Variants in TMEM245 observed in about 807,000 individuals in gnomAD.
TMEM245 encodes protein CG-2.
In TMEM245, 69 loss-of-function variants were observed where a neutral mutation model predicts 101.2. The observed-to-expected ratio is 0.68, with a 90% confidence interval of 0.56 to 0.83. TMEM245 has a LOEUF of 0.83. TMEM245 is among the 40% of genes least tolerant of loss of function. The probability of loss-of-function intolerance (pLI) is 0.00; values close to 1 mark genes in which losing one functional copy is unlikely to be tolerated. For synonymous variants in TMEM245, 537 were observed against 449.8 expected (o/e 1.19, Z -2.45); for missense variants, 1,075 against 1,092.8 (o/e 0.98, Z 0.23).
In TMEM245 at chr9:109,015,738, C is replaced by T. The variant is rs1359019300; in HGVS notation, c.*4722G>A. On this transcript the variant is annotated 3_prime_UTR_variant, in exon 18 of 18. Transcript: ENST00000374586. ...AACTTTTCAGAGCCTCCAGAGCCCC[C>T]CCATCTGTACAATAAGGATAATATT... 6.6e-6 allele frequency: 1 copy of T among 152,518 alleles called. No homozygotes were observed. Among genetic ancestry groups the T allele is most frequent in the East Asian group, 1.9e-4 (1 of 5,204 alleles). The allele number at this position is 152,518 out of a possible 1,614,324, so 9.4% of individuals were successfully genotyped here.
rs1588039825 is a variant in TMEM245, at chr9:109,057,302, C to A, written c.1743G>T (p.Arg581Ser). The A allele has an allele frequency of 3.1e-6, 5 of 1,613,906 alleles. No homozygotes were observed. The highest frequency in any genetic ancestry group is 4.2e-6 in the Non-Finnish European group (5 of 1,179,942). The change falls in exon 12 of 18, where the codon AGG (arginine) becomes AGT (serine). Residue 581 changes from arginine to serine, a missense_variant. This residue lies in a region of TMEM245 where 808 missense variants were observed against 741.5 expected (regional missense o/e 1.09). Coordinates refer to ENST00000374586, the MANE Select transcript of TMEM245 (RefSeq NM_032012.4). ...WFVKNVTHSG[R>S]HKGQKLHVSR... is the part of the protein sequence containing the mutation. ...TGACATGCAACTTCTGTCCTTTGTGCCTTCCAGAGTGTGTTACATTCTATG... is the reference window on the plus strand; with the variant it reads ...TGACATGCAACTTCTGTCCTTTGTGACTTCCAGAGTGTGTTACATTCTATG...
intron 7 of TMEM245, among the ~76,000 whole-genome samples, chr9:109,083,899 T>TAAA (rs1829745048): frequency 5.0e-4 from 1 of 2,010 alleles, no homozygotes; most frequent in Non-Finnish European, 1.1e-3. Context: ...CTACTAAAAA[T>TAAA]ACAAAAAAAA....
At chr9:109,093,674 C>A (rs1830066643) in intron 3 of TMEM245, 83 bp from the exon 4 acceptor site, 1 of 1,124,368 alleles carries the variant, frequency 8.9e-7, no homozygotes, top group African/African-American at 1.5e-5. Flanking sequence ...ACATTTTCAA[C>A]AACAACAAAA....
chr9:109,051,215 C>G (rs1828669847), intron 12 of TMEM245, among the ~76,000 whole-genome samples: 2 of 150,836 alleles, frequency 1.3e-5, no homozygotes, highest in Admixed American at 6.6e-5. Context: ...TCGCTTGAAC[C>G]CAGGAGGCAG....
At chr9:109,073,260 C>T in intron 9 of TMEM245, 96 bp downstream of exon 9, 1 of 907,754 alleles carries the variant, frequency 1.1e-6, no homozygotes, top group African/African-American at 1.6e-5. Context: ...TATCTTTTAT[C>T]TTCCAATGCA....
intron 12 of TMEM245, among the ~76,000 whole-genome samples, chr9:109,054,346 G>A (rs946398593): frequency 6.6e-6 from 1 of 152,122 alleles, no homozygotes; most frequent in African/African-American, 2.4e-5. Flanking sequence ...TAGTTTAATT[G>A]AGGACCTAAC....
Position 109,108,508 on chromosome 9 carries a change from T to C in TMEM245, c.642A>G (p.Glu214=). The C allele has an allele frequency of 6.2e-7, 1 of 1,608,580 alleles. No individual in the cohort carries two copies. The highest frequency in any genetic ancestry group is 1.1e-5 in the South Asian group (1 of 90,112). ...TVSFKWNAST[E]RYLRAVSIPV... Reference sequence around the variant, plus strand: ...GAATTGAAACTGCTCTCAAGTAGCGTTCAGTGCTTGCATTCCACTTGAATG... The same window carrying C: ...GAATTGAAACTGCTCTCAAGTAGCGCTCAGTGCTTGCATTCCACTTGAATG... The change falls in exon 2 of 18, where the codon GAA becomes GAG. Residue 214 remains glutamate, a synonymous_variant. Transcript: ENST00000374586.
chr9:109,099,685 G>A lies in TMEM245; in HGVS notation c.800-6094C>T, dbSNP rs557306836. 9.2e-5 allele frequency among the ~76,000 whole-genome samples: 14 copies of A among 152,236 alleles called. No individual in the cohort carries two copies. The East Asian group carries it at 1.4e-3, about 15-fold the overall frequency. On this transcript the variant is annotated intron_variant, in intron 3 of 17. Transcript: ENST00000374586. ...AGAGTCTAACACAGCCTTACTTATA[G>A]GAGATAACAATGCTAGTGTACCTCT...
intron 1 of TMEM245, among the ~76,000 whole-genome samples, chr9:109,114,590 A>T (rs1166020201): frequency 6.6e-6 from 1 of 152,104 alleles, no homozygotes; most frequent in Non-Finnish European, 1.5e-5. Context: ...TACTCTCTCC[A>T]CCTCCTGCTT....
intron 1 of TMEM245, among the ~76,000 whole-genome samples, chr9:109,108,811 A>G (rs1026388524): frequency 2.0e-5 from 3 of 152,218 alleles, no homozygotes; most frequent in Non-Finnish European, 4.4e-5. Flanking sequence ...CAAAAGATAC[A>G]TAGTTCAAAA....
At position 109,083,901 on chromosome 9, in the gene TMEM245, C is replaced by CA. The variant is rs751739620; in HGVS notation, c.1344+2095dup. The stretch of plus-strand genomic sequence containing the variant: ...CAAAACCCCATCTCTACTAAAAATA[C>CA]AAAAAAAAAAAAAAAAAAAAAAAAA... On this transcript the variant is annotated intron_variant, in intron 7 of 17. Coordinates refer to ENST00000374586, the MANE Select transcript of TMEM245 (RefSeq NM_032012.4). Among the ~76,000 whole-genome samples, 222 of 34,462 alleles carry CA rather than the reference C, an allele frequency of 6.4e-3. 27 individuals are homozygous for CA. Among genetic ancestry groups the CA allele is most frequent in the African/African-American group, 7.6e-3 (68 of 8,954 alleles). 22.6% of individuals were successfully genotyped at this position (34,462 alleles called of 152,430 possible).
intron 9 of TMEM245, 56 bp from the exon 10 acceptor site, chr9:109,064,623 A>G: frequency 1.4e-6 from 2 of 1,467,468 alleles, no homozygotes; most frequent in African/African-American, 1.4e-5. Context: ...TAGTGTACCA[A>G]TAATGCTTTG....
rs1051474 is a variant in TMEM245, at chr9:109,119,576, T to C, written c.338A>G (p.His113Arg). 412,370 of 1,540,608 alleles carry C rather than the reference T, an allele frequency of 0.27. 57,795 individuals carry two copies. The highest frequency in any genetic ancestry group is 0.29 in the Admixed American group (14,658 of 50,246). The change falls in exon 1 of 18, where the codon CAC becomes CGC. Residue 113 changes from histidine (H) to arginine (R), a missense_variant. His to Arg is a conservative substitution (Grantham distance 29). Transcript: ENST00000374586. Reference sequence around the variant, plus strand: ...CAGGACGATGGGCGTGTGCGCGCGGTGCAGGCGCTGCAGCCAGTGGCGGCC... The same window carrying C: ...CAGGACGATGGGCGTGTGCGCGCGGCGCAGGCGCTGCAGCCAGTGGCGGCC... Reference protein sequence around the residue: ...RLGRHWLQRLHRAHTPIVLAA... With the variant: ...RLGRHWLQRLRRAHTPIVLAA...
At chr9:109,082,037 T>C (rs1463461488) in intron 7 of TMEM245, among the ~76,000 whole-genome samples, 2 of 152,212 alleles carry the variant, frequency 1.3e-5, no homozygotes, top group African/African-American at 4.8e-5. Context: ...AGCAACAGCA[T>C]TGCTAAATAA....
chr9:109,054,003 C>T (rs777785580), intron 12 of TMEM245, among the ~76,000 whole-genome samples: 1 of 152,100 alleles, frequency 6.6e-6, no homozygotes, highest in Non-Finnish European at 1.5e-5. Flanking sequence ...CCTCAAAACG[C>T]CATTTCAACA....
chr9:109,036,179 T>G, intron 16 of TMEM245, 27 bp downstream of exon 16: 1 of 1,530,270 alleles, frequency 6.5e-7, no homozygotes, highest in Non-Finnish European at 8.7e-7. Context: ...GATGATTCAC[T>G]AATAAGAAAT....
At chr9:109,070,195 G>A (rs1829288925) in intron 9 of TMEM245, among the ~76,000 whole-genome samples, 1 of 152,148 alleles carries the variant, frequency 6.6e-6, no homozygotes, top group African/African-American at 2.4e-5. Flanking sequence ...CCTCTCATCT[G>A]ATTCCTGGAC....
At chr9:109,075,310 GA>G (rs574106347) in intron 8 of TMEM245, among the ~76,000 whole-genome samples, 219 of 152,258 alleles carry the variant, frequency 1.4e-3, no homozygotes, top group Non-Finnish European at 2.6e-3. Flanking sequence ...ATTTATAAGG[GA>G]TACTGGTCTG....
intron 9 of TMEM245, among the ~76,000 whole-genome samples, chr9:109,070,396 A>G (rs1365830303): frequency 2.0e-5 from 3 of 152,112 alleles, no homozygotes; most frequent in Admixed American, 6.5e-5. Flanking sequence ...ATCACTCACT[A>G]ATTTCCAAAG....
Sources: gnomAD v4.1 joint callset for allele counts (sites outside exome capture counted in the v4.1 genomes callset) on GRCh38, gnomAD v4.1.1 for gene constraint, gnomAD v4.1.1 regional missense constraint, MANE v1.5 for transcripts, NCBI Gene and HGNC (gene_info 2026-07-23, HGNC 2026-07-21) for gene names.